COPZ1: variants seen among roughly 807,000 people sequenced by gnomAD.
The protein encoded by COPZ1 is coat protein complex I subunit zeta 1.
COPZ1 carries 4 observed loss-of-function variants against 31.7 expected under a neutral mutation model. The ratio of observed to expected loss-of-function variants is 0.13; its 90% CI spans 0.06 to 0.29. COPZ1 has a LOEUF of 0.29. COPZ1 is among the 10% of genes least tolerant of loss of function. The pLI is 1.00. For missense variants in COPZ1, 156 were observed against 211.5 expected (o/e 0.74, Z 1.63); for synonymous variants, 74 against 79.0 (o/e 0.94, Z 0.33).
At chr12:54,339,731 C>T (rs1015755270) in intron 1 of COPZ1, among the ~76,000 whole-genome samples, 4 of 152,028 alleles carry the variant, frequency 2.6e-5, no homozygotes, top group South Asian at 4.2e-4. Flanking sequence ...AGACTGAGGC[C>T]GTGATTCCTT....
intron 2 of COPZ1, among the ~76,000 whole-genome samples, chr12:54,340,935 A>G (rs1359724167): frequency 6.6e-6 from 1 of 152,092 alleles, no homozygotes; most frequent in African/African-American, 2.4e-5. Flanking sequence ...TCCTGACCTC[A>G]TGATTCGCCC....
chr12:54,347,726 A>G, intron 5 of COPZ1, 41 bp from the exon 6 acceptor site: 2 of 1,580,756 alleles, frequency 1.3e-6, no homozygotes, highest in Non-Finnish European at 1.7e-6. Flanking sequence ...TTTCTTTCAC[A>G]TACAAGTTGG....
rs1954006619 is a variant in COPZ1, at chr12:54,343,288, A to G, written c.233A>G (p.Tyr78Cys). Residue 78 changes from tyrosine (Y) to cysteine (C), a missense_variant, in exon 4 of 9, where the codon TAT (tyrosine) becomes TGT (cysteine). Tyr to Cys is a radical substitution (Grantham distance 194, BLOSUM62 -2). Coordinates refer to ENST00000262061, the MANE Select transcript of COPZ1 (RefSeq NM_016057.3). Reference protein sequence around the residue: ...VYKSSIDLYFYVIGSSYENEL... With the variant: ...VYKSSIDLYFCVIGSSYENEL... Reference sequence around the variant, plus strand: ...AAAAGCAGTATAGATCTCTATTTCTATGTGATTGGCAGCTCCTATGAAAAT... The same window carrying G: ...AAAAGCAGTATAGATCTCTATTTCTGTGTGATTGGCAGCTCCTATGAAAAT... 13 of 1,613,850 alleles carry G rather than the reference A, an allele frequency of 8.1e-6. No individual in the cohort carries two copies. The highest frequency in any genetic ancestry group is 1.0e-5 in the Non-Finnish European group (12 of 1,179,806).
At chr12:54,337,108 T>C in intron 1 of COPZ1, 1 of 504,336 alleles carries the variant, frequency 2.0e-6, no homozygotes. Context: ...GTGTTTCACC[T>C]GTCTTGAGGA....
Position 54,344,172 on chromosome 12 carries a change from C to T in COPZ1, c.261+856C>T, listed in dbSNP as rs190654096. 2.6e-3 allele frequency among the ~76,000 whole-genome samples: 390 copies of T among 152,272 alleles called. 1 individual carries two copies. The highest frequency in any genetic ancestry group is 8.8e-3 in the African/African-American group (364 of 41,544). Reference sequence around the variant, plus strand: ...TTTTAAAAAATTTTGAGACATAGGCCGAACGTGGTGGCTCACACCTGTAAT... The same window carrying T: ...TTTTAAAAAATTTTGAGACATAGGCTGAACGTGGTGGCTCACACCTGTAAT... On this transcript the variant is annotated intron_variant, in intron 4 of 8. Transcript: ENST00000262061.
At chr12:54,343,838 A>C (rs571672170) in intron 4 of COPZ1, among the ~76,000 whole-genome samples, 1 of 152,356 alleles carries the variant, frequency 6.6e-6, no homozygotes, top group Non-Finnish European at 1.5e-5. Flanking sequence ...ATTTGAGGCA[A>C]AAGTGAAAGT....
intron 7 of COPZ1, among the ~76,000 whole-genome samples, chr12:54,348,698 C>G (rs1448313214): frequency 6.6e-6 from 1 of 152,026 alleles, no homozygotes; most frequent in East Asian, 1.9e-4. Flanking sequence ...GATTGCACCA[C>G]TGCACTCCAG....
At chr12:54,346,713 AG>A (rs1565597028) in intron 5 of COPZ1, 1 of 698,262 alleles carries the variant, frequency 1.4e-6, no homozygotes, top group Non-Finnish European at 2.6e-6. Context: ...AAAATTAGCC[AG>A]GTGTGGTGGT....
intron 1 of COPZ1, among the ~76,000 whole-genome samples, chr12:54,326,242 C>G (rs1234810983): frequency 6.6e-6 from 1 of 151,056 alleles, no homozygotes; most frequent in Non-Finnish European, 1.5e-5. Context: ...CGGGTTCACG[C>G]CATTCTTCTG....
chr12:54,332,512 G>A (rs1953775268), intron 1 of COPZ1, among the ~76,000 whole-genome samples: 1 of 151,962 alleles, frequency 6.6e-6, no homozygotes, highest in Non-Finnish European at 1.5e-5. Context: ...TGAGGCAGGC[G>A]GATCACCTGA....
At chr12:54,339,141 G>A (rs1390222007) in intron 1 of COPZ1, among the ~76,000 whole-genome samples, 1 of 151,858 alleles carries the variant, frequency 6.6e-6, no homozygotes, top group Non-Finnish European at 1.5e-5. Context: ...AGAAAGTCAA[G>A]GAATGTAGGT....
Position 54,347,762 on chromosome 12 carries a change from C to T in COPZ1, c.318-5C>T, listed in dbSNP as rs1954089019. The T allele has an allele frequency of 1.2e-6, 2 of 1,608,982 alleles. No individual in the cohort carries two copies. The highest frequency in any genetic ancestry group is 1.7e-6 in the Non-Finnish European group (2 of 1,178,774). On this transcript the variant is annotated splice_polypyrimidine_tract_variant and splice_region_variant and intron_variant, in intron 5 of 8. Transcript: ENST00000262061. ...TTATTCTCTTCTCTTCTCTTGGGGA[C>T]TCAGGAAAAATGTAGAAAAGCGAGC...
At chr12:54,340,386 T>C (rs779174958) in intron 1 of COPZ1, 161 bp from the exon 2 acceptor site, 454 of 1,200,786 alleles carry the variant, frequency 3.8e-4, no homozygotes, top group Non-Finnish European at 4.9e-4. Context: ...ACCCTGGGTC[T>C]TTCTCAATGG....
chr12:54,341,435 CG>C (rs1304903752), intron 2 of COPZ1, among the ~76,000 whole-genome samples: 1 of 152,164 alleles, frequency 6.6e-6, no homozygotes, highest in Non-Finnish European at 1.5e-5. Context: ...GTATTAACTC[CG>C]GGCGAGCGTA....
At chr12:54,342,055 C>A in intron 2 of COPZ1, 151 bp from the exon 3 acceptor site, 1 of 617,170 alleles carries the variant, frequency 1.6e-6, no homozygotes. Flanking sequence ...CATTCTCTGC[C>A]TCTACAATCC....
intron 1 of COPZ1, among the ~76,000 whole-genome samples, chr12:54,330,602 T>G (rs1410221958): frequency 6.6e-6 from 1 of 152,216 alleles, no homozygotes; most frequent in Non-Finnish European, 1.5e-5. Context: ...AACCAGACCC[T>G]TGAGAAGCCA....
chr12:54,346,730 C>A lies in COPZ1; in HGVS notation c.318-1037C>A. The A allele has an allele frequency of 4.3e-6, 3 of 690,988 alleles. No homozygotes were observed. In the South Asian group the frequency reaches 4.5e-5, roughly 10 times the overall value. 42.8% of individuals were successfully genotyped at this position (690,988 alleles called of 1,614,324 possible). A position where few individuals can be genotyped will look rare whatever the true frequency, so the allele number is the denominator to read the frequency against. Reference sequence around the variant, plus strand: ...AATTAGCCAGGTGTGGTGGTGCATACCTGTAGTCTCAGCTACTTGGGAGGC... The same window carrying A: ...AATTAGCCAGGTGTGGTGGTGCATAACTGTAGTCTCAGCTACTTGGGAGGC... On this transcript the variant is annotated intron_variant, in intron 5 of 8. Coordinates refer to ENST00000262061, the MANE Select transcript of COPZ1 (RefSeq NM_016057.3).
At chr12:54,330,553 C>G (rs1433482267) in intron 1 of COPZ1, among the ~76,000 whole-genome samples, 1 of 152,210 alleles carries the variant, frequency 6.6e-6, no homozygotes, top group Non-Finnish European at 1.5e-5. Context: ...GGAGCTGTCA[C>G]ATGGTCAGAA....
In COPZ1 at chr12:54,340,397, G is replaced by A. The variant is rs148005921; in HGVS notation, c.19-150G>A. On this transcript the variant is annotated intron_variant, in intron 1 of 8. Transcript: ENST00000262061. ...ACTTACCCTGGGTCTTTCTCAATGGGAAATATCAAAATCTGACCAAGTTGA... is the reference window on the plus strand; with the variant it reads ...ACTTACCCTGGGTCTTTCTCAATGGAAAATATCAAAATCTGACCAAGTTGA... The A allele has an allele frequency of 1.3e-3, 1,729 of 1,297,306 alleles. 8 individuals are homozygous for A. The highest frequency in any genetic ancestry group is 5.0e-3 in the Middle Eastern group (22 of 4,400). The allele number at this position is 1,297,306 out of a possible 1,614,324, so 80.4% of individuals were successfully genotyped here. A position where few individuals can be genotyped will look rare whatever the true frequency, so the allele number is the denominator to read the frequency against.
Sources: gnomAD v4.1 joint callset for allele counts (sites outside exome capture counted in the v4.1 genomes callset) on GRCh38, gnomAD v4.1.1 for gene constraint, MANE v1.5 for transcripts, NCBI Gene and HGNC (gene_info 2026-07-23, HGNC 2026-07-21) for gene names.